The following ATG13 variants were observed in gnomAD, a reference collection of about 807,000 sequenced individuals.
ATG13 encodes the protein autophagy-related protein 13.
A neutral mutation model predicts 65.5 loss-of-function variants in ATG13; 23 were observed. The ratio of observed to expected loss-of-function variants is 0.35; its 90% confidence interval spans 0.25 to 0.50. The LOEUF is 0.50. Ranked by LOEUF, ATG13 falls within the 20% of genes least tolerant of loss-of-function variation. ATG13 has a pLI of 0.98. For synonymous variants in ATG13, 252 were observed against 245.2 expected (o/e 1.03, Z -0.26); for missense variants, 566 against 677.0 (o/e 0.84, Z 1.82).
chr11:46,658,685 G>A lies in ATG13; in HGVS notation c.696-707G>A, dbSNP rs567718232. On this transcript the variant is annotated intron_variant, in intron 10 of 18. Coordinates refer to ENST00000683050, the MANE Select transcript of ATG13 (RefSeq NM_001346311.2). ...CGAGTAGCTGGGGTTACAGGCATGC[G>A]CCACCACGCCCGGTTAATTTTTGTA... is the stretch of plus-strand genomic sequence containing the variant. 6.1e-4 allele frequency among the ~76,000 whole-genome samples: 92 copies of A among 152,010 alleles called. 1 individual carries two copies. The highest frequency in any genetic ancestry group is 1.7e-4 in the African/African-American group (7 of 41,460).
At chr11:46,624,982 G>A (rs142811619) in intron 1 of ATG13, among the ~76,000 whole-genome samples, 6 of 151,932 alleles carry the variant, frequency 3.9e-5, no homozygotes, top group Admixed American at 1.3e-4. Flanking sequence ...GATCATCATG[G>A]CACTCCAGCC....
chr11:46,649,215 G>T (rs1161182396), intron 6 of ATG13, 32 bp downstream of exon 6: 1 of 1,600,628 alleles, frequency 6.2e-7, no homozygotes, highest in East Asian at 2.2e-5. Context: ...CCTTGGTTGT[G>T]GTTGCTGAGG....
intron 6 of ATG13, 69 bp downstream of exon 6, chr11:46,649,252 G>C (rs1591894947): frequency 1.3e-6 from 2 of 1,537,660 alleles, no homozygotes; most frequent in East Asian, 4.6e-5. Context: ...CATGTGAAAA[G>C]CAGGGCTTTG....
At chr11:46,658,170 G>C (rs1199501195) in intron 10 of ATG13, among the ~76,000 whole-genome samples, 3 of 152,130 alleles carry the variant, frequency 2.0e-5, no homozygotes, top group African/African-American at 4.8e-5. Context: ...TGGTTTTCAG[G>C]TTACCATCTG....
At chr11:46,663,961 T>TTG in intron 11 of ATG13, 36 bp from the exon 12 acceptor site, 3 of 1,250,980 alleles carry the variant, frequency 2.4e-6, no homozygotes, top group East Asian at 2.5e-5. Flanking sequence ...TTTTTTTTTT[T>TTG]TTGTTTCTCC....
At chr11:46,633,644 G>T (rs746122584) in intron 2 of ATG13, among the ~76,000 whole-genome samples, 3 of 152,036 alleles carry the variant, frequency 2.0e-5, no homozygotes, top group Non-Finnish European at 2.9e-5. Context: ...ACCGTGCCTG[G>T]CCAAAAATTT....
At chr11:46,628,617 AT>A (rs1450871114) in intron 1 of ATG13, among the ~76,000 whole-genome samples, 4 of 152,192 alleles carry the variant, frequency 2.6e-5, no homozygotes, top group African/African-American at 9.6e-5. Flanking sequence ...GAAAAACTGA[AT>A]TTGGGATTCA....
chr11:46,643,612 CTT>C (rs763315083), intron 2 of ATG13, among the ~76,000 whole-genome samples: 66 of 130,680 alleles, frequency 5.1e-4, no homozygotes, highest in Non-Finnish European at 6.9e-4. Flanking sequence ...CCTGGGAGGG[CTT>C]TTTTTTTTTT....
rs1447289070 is a variant in ATG13, at chr11:46,674,503, T to C, written c.*2171T>C. ...TGTATTCAAGGGATTTCCAATAAAT[T>C]TTTTTCTGTACTTTACAGCCTCCTG... On this transcript the variant is annotated 3_prime_UTR_variant, in exon 19 of 19. Coordinates refer to ENST00000683050, the MANE Select transcript of ATG13 (RefSeq NM_001346311.2). The C allele has an allele frequency of 6.6e-6, 1 of 152,276 alleles. No individual in the cohort carries two copies. The highest frequency in any genetic ancestry group is 6.5e-5 in the Admixed American group (1 of 15,294). 9.4% of individuals were successfully genotyped at this position (152,276 alleles called of 1,614,324 possible).
rs1192643737 is a variant in ATG13 at position 46,632,990 on chromosome 11, C to T, written c.-14+2890C>T. Among the ~76,000 whole-genome samples the T allele has an allele frequency of 3.0e-5, 4 of 134,160 alleles. No homozygotes were observed. The South Asian group carries it at 7.1e-4, about 24-fold the overall frequency. 88.0% of individuals were successfully genotyped at this position (134,160 alleles called of 152,430 possible). ...CCAGCCTGGGCGACAGAGCAAGACCCCCATTAAAAAAAAATATATATATAT... is the reference window on the plus strand; with the variant it reads ...CCAGCCTGGGCGACAGAGCAAGACCTCCATTAAAAAAAAATATATATATAT... On this transcript the variant is annotated intron_variant, in intron 2 of 18. Transcript: ENST00000683050.
intron 1 of ATG13, among the ~76,000 whole-genome samples, chr11:46,627,701 A>G (rs972277299): frequency 6.6e-6 from 1 of 151,906 alleles, no homozygotes; most frequent in South Asian, 2.1e-4. Context: ...CTGGTCTCGA[A>G]CTCCTGATCT....
At chr11:46,639,650 A>G (rs893314185) in intron 2 of ATG13, among the ~76,000 whole-genome samples, 4 of 152,154 alleles carry the variant, frequency 2.6e-5, no homozygotes, top group Admixed American at 1.3e-4. Context: ...TCCGCCTCCC[A>G]GGGAGTTTGT....
chr11:46,664,326 T>C (rs1376006513), intron 12 of ATG13, among the ~76,000 whole-genome samples: 2 of 152,170 alleles, frequency 1.3e-5, no homozygotes, highest in African/African-American at 4.8e-5. Context: ...TGGAGTTATT[T>C]ATATCAGATT....
rs558574894 is a variant in ATG13, at chr11:46,633,292, A to T, written c.-14+3192A>T. 4.6e-5 allele frequency among the ~76,000 whole-genome samples: 7 copies of T among 151,122 alleles called. No homozygotes were observed. The South Asian group carries it at 6.3e-4, about 14-fold the overall frequency. ...TGCCTCACCCTCCCAAAGTGCTGGG[A>T]TTACAAGCGTGAGCCACTGCACCCA... On this transcript the variant is annotated intron_variant, in intron 2 of 18. Transcript: ENST00000683050.
At chr11:46,631,464 C>T (rs1273843830) in intron 2 of ATG13, among the ~76,000 whole-genome samples, 1 of 152,174 alleles carries the variant, frequency 6.6e-6, no homozygotes, top group Admixed American at 6.6e-5. Flanking sequence ...ATCTTTTGCA[C>T]TTAAGTAGTG....
chr11:46,622,261 G>A (rs2047979516), intron 1 of ATG13, among the ~76,000 whole-genome samples: 1 of 150,968 alleles, frequency 6.6e-6, no homozygotes, highest in Non-Finnish European at 1.5e-5. Flanking sequence ...GGGACTACAG[G>A]CGCCCACTAC....
chr11:46,627,351 C>G (rs941377207), intron 1 of ATG13, among the ~76,000 whole-genome samples: 2 of 151,916 alleles, frequency 1.3e-5, no homozygotes, highest in African/African-American at 4.8e-5. Flanking sequence ...TGCACTCCAT[C>G]CAGGGCGACA....
At position 46,649,928 on chromosome 11, in the gene ATG13, G is replaced by A. The variant is rs548497345; in HGVS notation, c.318-249G>A. 2.0e-5 allele frequency among the ~76,000 whole-genome samples: 3 copies of A among 152,064 alleles called. No individual in the cohort carries two copies. The South Asian group carries it at 6.2e-4, about 32-fold the overall frequency. The stretch of plus-strand genomic sequence containing the variant: ...TTTATTTATTTATATGTTTTCAGAT[G>A]TGCTGCTTTATTTCTAAAAAAAAAA... On this transcript the variant is annotated intron_variant, in intron 6 of 18. Transcript: ENST00000683050.
intron 1 of ATG13, chr11:46,625,269 C>CTTTTTTTTTT (rs59095357): frequency 1.2e-4 from 10 of 84,384 alleles, no homozygotes; most frequent in South Asian, 4.2e-4. Flanking sequence ...CTTGCTCTTT[C>CTTTTTTTTTT]TTTTTTTTTT....
Sources: allele counts gnomAD v4.1 joint callset (sites outside exome capture counted in the v4.1 genomes callset), GRCh38; gene constraint gnomAD v4.1.1; transcripts MANE v1.5; gene names NCBI Gene and HGNC (gene_info 2026-07-23, HGNC 2026-07-21).